DHX33: variants seen among roughly 807,000 people sequenced by gnomAD.
The protein encoded by DHX33 is ATP-dependent RNA helicase DHX33.
In DHX33, 42 loss-of-function variants were observed where a neutral mutation model predicts 72.5. The ratio of observed to expected loss-of-function variants is 0.58; its 90% CI spans 0.45 to 0.75. The LOEUF is 0.75. Among genes scored for constraint, DHX33 ranks in the 30% least tolerant of loss-of-function variants. The pLI, the probability that DHX33 is intolerant of heterozygous loss-of-function variation, is 0.00. For missense variants in DHX33, 842 were observed against 917.5 expected (o/e 0.92, Z 1.06); for synonymous variants, 358 against 366.1 (o/e 0.98, Z 0.25).
chr17:5,462,671 G>A (rs1376470040), intron 2 of DHX33, 125 bp from the exon 3 acceptor site: 1 of 682,108 alleles, frequency 1.5e-6, no homozygotes, highest in South Asian at 1.7e-5. Flanking sequence ...CCACTCCCTT[G>A]GGAAGCATGC....
rs186007702 is a variant in DHX33 at position 5,460,548 on chromosome 17, C to T, written c.849+391G>A. On this transcript the variant is annotated intron_variant, in intron 4 of 11. Coordinates refer to ENST00000225296, the MANE Select transcript of DHX33 (RefSeq NM_020162.4). ...TTCAGACGGAGTCTCCCTCTGTCAC[C>T]TAGGCTGGAGTGCAGTGGTGCAATC... Among the ~76,000 whole-genome samples the T allele has an allele frequency of 2.3e-3, 350 of 151,654 alleles. 5 individuals carry two copies. The highest frequency in any genetic ancestry group is 7.8e-3 in the African/African-American group (324 of 41,302).
At chr17:5,460,877 G>A in intron 4 of DHX33, 62 bp downstream of exon 4, 2 of 1,536,752 alleles carry the variant, frequency 1.3e-6, no homozygotes, top group East Asian at 2.3e-5. Flanking sequence ...AAGGCTCAAT[G>A]TTCTCACTAC....
At chr17:5,452,495 G>A (rs1331498933) in intron 8 of DHX33, among the ~76,000 whole-genome samples, 2 of 152,036 alleles carry the variant, frequency 1.3e-5, no homozygotes, top group Non-Finnish European at 2.9e-5. Flanking sequence ...AGCTGGGATC[G>A]CACCACTGCA....
Position 5,444,337 on chromosome 17 carries a change from G to C in DHX33, c.1992C>G (p.Ala664=). ...PSSVLFHCKP[A]CVVYTELLYT... The stretch of plus-strand genomic sequence containing the variant: ...AGAGCAGCTCAGTGTACACGACGCA[G>C]GCCGGCTTGCAGTGGAAGAGGACAG... The change falls in exon 12 of 12, where the codon GCC becomes GCG. Residue 664 remains alanine, a synonymous_variant. Coordinates refer to ENST00000225296, the MANE Select transcript of DHX33 (RefSeq NM_020162.4). This position sits in a 1 kb window ranked among gnomAD's most constrained non-coding sequence, Gnocchi z 4.9. 1 of 1,614,062 alleles carries C rather than the reference G, an allele frequency of 6.2e-7. No homozygotes were observed. The highest frequency in any genetic ancestry group is 1.1e-5 in the South Asian group (1 of 91,076).
At position 5,444,481 on chromosome 17, in the gene DHX33, G is replaced by A. The variant is rs147414979; in HGVS notation, c.1848C>T (p.Asp616=). The change falls in exon 12 of 12, where the codon GAC becomes GAT. Residue 616 remains aspartate (D), a synonymous_variant. Transcript: ENST00000225296. This position sits in a 1 kb window ranked among gnomAD's most constrained non-coding sequence, Gnocchi z 4.9. ...MSMPIASSRG[D]VESVRRCLAH... ...CCAGGCAGCGGCGGACACTCTCCAC[G>A]TCTCCTCGGGATGATGCGATTGGCA... 1.8e-4 allele frequency: 297 copies of A among 1,614,110 alleles called. No homozygotes were observed. The highest frequency in any genetic ancestry group is 4.9e-4 in the Middle Eastern group (3 of 6,062).
intron 4 of DHX33, 84 bp from the exon 5 acceptor site, chr17:5,456,266 T>C: frequency 7.1e-7 from 1 of 1,401,126 alleles, no homozygotes; most frequent in Non-Finnish European, 9.9e-7. Flanking sequence ...TGATGATGTT[T>C]CCCAGAGTTA....
intron 1 of DHX33, among the ~76,000 whole-genome samples, chr17:5,467,455 C>T (rs1430126510): frequency 6.6e-6 from 1 of 152,126 alleles, no homozygotes; most frequent in Non-Finnish European, 1.5e-5. Context: ...GGACAAGCCC[C>T]TCATTCAAAA....
rs1916531638 is a variant in DHX33 at position 5,443,971 on chromosome 17, G to A, written c.*234C>T. On this transcript the variant is annotated 3_prime_UTR_variant, in exon 12 of 12. Coordinates refer to ENST00000225296, the MANE Select transcript of DHX33 (RefSeq NM_020162.4). ...GGCTCAGGTGTTAAATTAAGTCAAA[G>A]TCACCCAGTAAGAACCAAAAGCATA... 2.1e-6 allele frequency: 1 copy of A among 476,498 alleles called. No homozygotes were observed. Among genetic ancestry groups the A allele is most frequent in the South Asian group, 3.8e-5 (1 of 26,004 alleles). 29.5% of individuals were successfully genotyped at this position (476,498 alleles called of 1,614,324 possible).
At chr17:5,460,049 CT>C (rs1481189227) in intron 4 of DHX33, among the ~76,000 whole-genome samples, 2 of 149,762 alleles carry the variant, frequency 1.3e-5, no homozygotes, top group Non-Finnish European at 2.9e-5. Flanking sequence ...GACCCTCGCC[CT>C]GTCACCCAGG....
chr17:5,445,228 G>C (rs1597354395), intron 11 of DHX33, among the ~76,000 whole-genome samples: 1 of 152,098 alleles, frequency 6.6e-6, no homozygotes, highest in Admixed American at 6.5e-5. Context: ...ACAGGCGCCT[G>C]CCACCACGCC....
chr17:5,453,654 C>T lies in DHX33; in HGVS notation c.1322G>A (p.Ser441Asn). ...CATTGCTAGAAGCTGAAGCATCACA[C>T]TGGCCAGGTTACACCTGTGAAGAGC... ...VPEIQRCNLA[S>N]VMLQLLAMKV... The change falls in exon 8 of 12, where the codon AGT becomes AAT. Residue 441 changes from serine (S) to asparagine (N), a missense_variant. Transcript: ENST00000225296. 6.2e-7 allele frequency: 1 copy of T among 1,614,204 alleles called. No individual in the cohort carries two copies.
At chr17:5,447,888 C>T (rs1053006432) in intron 11 of DHX33, among the ~76,000 whole-genome samples, 1 of 151,932 alleles carries the variant, frequency 6.6e-6, no homozygotes, top group African/African-American at 2.4e-5. Context: ...TTGAGAAATA[C>T]GCATGTGAGG....
chr17:5,461,527 G>C (rs541718867), intron 3 of DHX33, among the ~76,000 whole-genome samples: 1 of 151,606 alleles, frequency 6.6e-6, no homozygotes, highest in East Asian at 2.0e-4. Context: ...GCTGAGGTAA[G>C]CAATGGCGTG....
chr17:5,463,701 G>A lies in DHX33; in HGVS notation c.290-12C>T. 6.4e-7 allele frequency: 1 copy of A among 1,561,782 alleles called. No homozygotes were observed. Reference sequence around the variant, plus strand: ...AGAGCCAGTTTCCCCTAGGAGAGAGGGGGAAAAAAAAAAAAGGCTCACTGA... The same window carrying A: ...AGAGCCAGTTTCCCCTAGGAGAGAGAGGGAAAAAAAAAAAAGGCTCACTGA... On this transcript the variant is annotated splice_polypyrimidine_tract_variant and intron_variant, in intron 1 of 11. Coordinates refer to ENST00000225296, the MANE Select transcript of DHX33 (RefSeq NM_020162.4).
rs780600658 is a variant in DHX33, at chr17:5,450,342, G to A, written c.1589C>T (p.Ser530Phe). Residue 530 changes from serine to phenylalanine, a missense_variant, in exon 10 of 12, where the codon TCT becomes TTT. Physicochemically the swap from Ser to Phe is radical, Grantham distance 155. Transcript: ENST00000225296. ...EEILTIVSLL[S>F]VDSVLHNPPS... ...AGGGTTGTGGAGGACGCTGTCCACA[G>A]ACAGCAGGGAGACAATGGTCAGGAT... 4 of 1,614,076 alleles carry A rather than the reference G, an allele frequency of 2.5e-6. No homozygotes were observed. Among genetic ancestry groups the A allele is most frequent in the Admixed American group, 3.3e-5 (2 of 60,008 alleles).
intron 6 of DHX33, 28 bp downstream of exon 6, chr17:5,455,132 G>T (rs938773733): frequency 5.7e-6 from 9 of 1,574,408 alleles, no homozygotes; most frequent in Non-Finnish European, 7.9e-6. Flanking sequence ...AGACACAGGA[G>T]AGACATTCAT....
At chr17:5,464,662 C>T (rs1463639949) in intron 1 of DHX33, among the ~76,000 whole-genome samples, 1 of 151,792 alleles carries the variant, frequency 6.6e-6, no homozygotes, top group African/African-American at 2.4e-5. Context: ...AAATTGGAAA[C>T]AATATAAATG....
Position 5,444,070 on chromosome 17 carries a change from T to C in DHX33, c.*135A>G. On this transcript the variant is annotated 3_prime_UTR_variant, in exon 12 of 12. Coordinates refer to ENST00000225296, the MANE Select transcript of DHX33 (RefSeq NM_020162.4). This position sits in a 1 kb window ranked among gnomAD's most constrained non-coding sequence, Gnocchi z 4.9. ...AGTCCCAGGAGTTGAGCAAAGATGC[T>C]TTCACGCTCCTGGAAGTCAGGCACC... 8.8e-6 allele frequency: 9 copies of C among 1,019,262 alleles called. No homozygotes were observed. The highest frequency in any genetic ancestry group is 2.8e-5 in the Admixed American group (1 of 35,436). 63.1% of individuals were successfully genotyped at this position (1,019,262 alleles called of 1,614,324 possible). A position where few individuals can be genotyped will look rare whatever the true frequency, so the allele number is the denominator to read the frequency against.
chr17:5,462,459 T>C lies in DHX33; in HGVS notation c.538A>G (p.Ile180Val), dbSNP rs777525220. 1.2e-6 allele frequency: 2 copies of C among 1,614,188 alleles called. No individual in the cohort carries two copies. Among genetic ancestry groups the C allele is most frequent in the Admixed American group, 1.7e-5 (1 of 60,028 alleles). The change falls in exon 3 of 12, where the codon ATT becomes GTT. Residue 180 changes from isoleucine to valine, a missense_variant. Physicochemically the swap from Ile to Val is conservative, Grantham distance 29 (BLOSUM62 3). Coordinates refer to ENST00000225296, the MANE Select transcript of DHX33 (RefSeq NM_020162.4). ...LTDGMLLREA[I>V]SDSLLRKYSC... Reference sequence around the variant, plus strand: ...TATTTCCGAAGCAAAGAGTCTGAAATTGCTTCACGCAGAAGCATGCCATCT... The same window carrying C: ...TATTTCCGAAGCAAAGAGTCTGAAACTGCTTCACGCAGAAGCATGCCATCT...
Sources: gnomAD v4.1 joint callset for allele counts (sites outside exome capture counted in the v4.1 genomes callset) on GRCh38, gnomAD v4.1.1 for gene constraint, Gnocchi (gnomAD v3.1) non-coding constraint, MANE v1.5 for transcripts, NCBI Gene and HGNC (gene_info 2026-07-23, HGNC 2026-07-21) for gene names.